Variants in NUMA1 observed in about 807,000 individuals in gnomAD.
The protein encoded by NUMA1 is nuclear mitotic apparatus protein 1.
NUMA1 carries 62 observed loss-of-function variants against 237.1 expected under a neutral mutation model. The ratio of observed to expected loss-of-function variants is 0.26; its 90% CI spans 0.21 to 0.32. NUMA1 has a LOEUF of 0.32. Ranked by LOEUF, NUMA1 falls within the 10% of genes least tolerant of loss-of-function variation. NUMA1 has a pLI of 1.00. For synonymous variants in NUMA1, 1,028 were observed against 1,066.1 expected, an observed-to-expected ratio of 0.96 and a Z score of 0.70; for missense variants, 2,533 against 2,666.5, an observed-to-expected ratio of 0.95 and a Z score of 1.10.
In NUMA1 at chr11:72,013,545, C is replaced by T. The variant is rs1211182459; in HGVS notation, c.3958G>A (p.Glu1320Lys). Residue 1320 changes from glutamate (E) to lysine (K), a missense_variant, in exon 15 of 27, where the codon GAG becomes AAG. Physicochemically the swap from Glu to Lys is moderately conservative, Grantham distance 56 (BLOSUM62 1). Transcript: ENST00000393695. The surrounding 1 kb of genome is among the most constrained non-coding windows in gnomAD (Gnocchi z 6.8). The stretch of plus-strand genomic sequence containing the variant: ...TCTTGGCCCAGCTCCTCCGCACGCT[C>T]AGCCTGTGAGGTCAGCTCCTGCCGC... Reference protein sequence around the residue: ...NLRQELTSQAERAEELGQELK... With the variant: ...NLRQELTSQAKRAEELGQELK... The T allele has an allele frequency of 6.2e-7, 1 of 1,613,590 alleles. No individual in the cohort carries two copies. Among genetic ancestry groups the T allele is most frequent in the South Asian group, 1.1e-5 (1 of 91,088 alleles).
chr11:72,012,216 A>G (rs1956204059), intron 16 of NUMA1, 185 bp downstream of exon 16: 2 of 588,652 alleles, frequency 3.4e-6, no homozygotes, highest in Non-Finnish European at 6.0e-6. Context: ...GGGTGGGATG[A>G]GGCCTGAGAG....
intron 7 of NUMA1, among the ~76,000 whole-genome samples, chr11:72,021,778 TA>T (rs1308282545): frequency 6.6e-6 from 1 of 151,960 alleles, no homozygotes; most frequent in South Asian, 2.1e-4. Context: ...TCATTTTTTT[TA>T]AAAAAAATAT....
In NUMA1 at chr11:72,018,530, G is replaced by A. The variant is rs1483860615; in HGVS notation, c.743-17C>T. ...TCTGTGCATCTGCCCAGAGTGGAGG[G>A]AGGAGGAGAGGAGAATCAGAACTAT... On this transcript the variant is annotated splice_polypyrimidine_tract_variant and intron_variant, in intron 10 of 26. Transcript: ENST00000393695. The A allele has an allele frequency of 6.3e-7, 1 of 1,591,672 alleles. No individual in the cohort carries two copies. The highest frequency in any genetic ancestry group is 1.7e-5 in the Admixed American group (1 of 59,938).
chr11:72,035,823 G>A, intron 3 of NUMA1, 79 bp downstream of exon 3: 1 of 1,286,490 alleles, frequency 7.8e-7, no homozygotes, highest in Non-Finnish European at 1.1e-6. Context: ...CATAGCCCTG[G>A]CTCCTACAAA....
intron 4 of NUMA1, among the ~76,000 whole-genome samples, chr11:72,027,708 A>G (rs1407511479): frequency 6.6e-6 from 1 of 152,216 alleles, no homozygotes; most frequent in Non-Finnish European, 1.5e-5. Flanking sequence ...GGTTTGATGA[A>G]GAGTCACTGA....
Position 72,013,376 on chromosome 11 carries a change from GCGGCCTGCT to G in NUMA1, c.4118_4126del (p.Glu1373_Ala1375del). 6.2e-7 allele frequency: 1 copy of G among 1,611,160 alleles called. No homozygotes were observed. The highest frequency in any genetic ancestry group is 8.5e-7 in the Non-Finnish European group (1 of 1,179,892). On this transcript the variant is annotated inframe_deletion, in exon 15 of 27. Transcript: ENST00000393695. This position sits in a 1 kb window ranked among gnomAD's most constrained non-coding sequence, Gnocchi z 6.8. ...CTCCTCACGGTGGCGTTTCTCGGCAGCGGCCTGCTCGGCCTGCAGCTGCTGGCAGAGGTG... is the reference window on the plus strand; with the variant it reads ...CTCCTCACGGTGGCGTTTCTCGGCAGCGGCCTGCAGCTGCTGGCAGAGGTG...
Position 72,003,533 on chromosome 11 carries a change from C to T in NUMA1, c.6342G>A (p.Lys2114=). ...ACTCACTGGTACTGGCCCTTTAGTG[C>T]TTTGCCTGAAAGAGACACAGTCACA... ...GATPRAKGKA[K]H The change falls in exon 27 of 27, where the codon AAG becomes AAA. Residue 2114 remains lysine, a synonymous_variant. Transcript: ENST00000393695. 1 of 1,614,156 alleles carries T rather than the reference C, an allele frequency of 6.2e-7. No individual in the cohort carries two copies. The highest frequency in any genetic ancestry group is 8.5e-7 in the Non-Finnish European group (1 of 1,180,012).
rs781571037 is a variant in NUMA1, at chr11:72,013,822, G to A, written c.3681C>T (p.Ile1227=). 2.5e-6 allele frequency: 4 copies of A among 1,611,800 alleles called. No individual in the cohort carries two copies. The South Asian group carries it at 3.3e-5, about 13-fold the overall frequency. The change falls in exon 15 of 27, where the codon ATC becomes ATT. Residue 1227 remains isoleucine, a synonymous_variant. Coordinates refer to ENST00000393695, the MANE Select transcript of NUMA1 (RefSeq NM_006185.4). The surrounding 1 kb of genome is among the most constrained non-coding windows in gnomAD (Gnocchi z 6.8). ...TGGACACCTCCTCCTCCAAGCTGCT[G>A]ATGAGGCTATTTTTCCTCTCAGCCT... is the stretch of plus-strand genomic sequence containing the variant. ...RQEAERKNSL[I]SSLEEEVSIL...
At chr11:72,041,655 T>C (rs1178745164) in intron 2 of NUMA1, 1 of 152,230 alleles carries the variant, frequency 6.6e-6, no homozygotes, top group Non-Finnish European at 1.5e-5. Context: ...GCAGGCCCTC[T>C]GATCGGGGGC....
At chr11:72,007,134 C>A in intron 21 of NUMA1, 55 bp downstream of exon 21, 1 of 1,590,562 alleles carries the variant, frequency 6.3e-7, no homozygotes, top group South Asian at 1.1e-5. Context: ...TGCAAAGATG[C>A]CCTTGAGAGG....
At position 72,015,602 on chromosome 11, in the gene NUMA1, G is replaced by A; in HGVS notation, c.1901C>T (p.Ala634Val). ...LQVANEARDS[A>V]QTSVTQAQRE... ...CTGGGCCTGTGTCACTGAGGTCTGG[G>A]CACTGTCCCGGGCTTCATTAGCCAC... The change falls in exon 15 of 27, where the codon GCC (alanine) becomes GTC (valine). Residue 634 changes from alanine (A) to valine (V), a missense_variant. Around this residue, in one of 3 missense-constraint regions of NUMA1, gnomAD observed 1,414 missense variants for 1,508.1 expected, o/e 0.94. Transcript: ENST00000393695. This position sits in a 1 kb window ranked among gnomAD's most constrained non-coding sequence, Gnocchi z 4.0. 1 of 1,613,592 alleles carries A rather than the reference G, an allele frequency of 6.2e-7. No individual in the cohort carries two copies. The highest frequency in any genetic ancestry group is 2.2e-5 in the East Asian group (1 of 44,872).
chr11:72,020,021 T>G (rs1366780947), intron 8 of NUMA1, among the ~76,000 whole-genome samples: 1 of 152,188 alleles, frequency 6.6e-6, no homozygotes, highest in South Asian at 2.1e-4. Context: ...CCATTTGGAA[T>G]TCATCCCCCC....
chr11:72,029,395 T>C, intron 3 of NUMA1, 105 bp from the exon 4 acceptor site: 1 of 570,328 alleles, frequency 1.8e-6, no homozygotes, highest in South Asian at 2.9e-5. Flanking sequence ...ACTATAGGAA[T>C]ACAAGAACTG....
At chr11:72,079,749 TAAAAAA>T (rs72522058) in intron 1 of NUMA1, among the ~76,000 whole-genome samples, 2 of 144,672 alleles carry the variant, frequency 1.4e-5, no homozygotes, top group Admixed American at 6.9e-5. Context: ...AAACAAAAAT[TAAAAAA>T]AAAAAAAAAA....
At chr11:72,012,516 A>G in intron 15 of NUMA1, 74 bp from the exon 16 acceptor site, 1 of 1,408,088 alleles carries the variant, frequency 7.1e-7, no homozygotes, top group South Asian at 1.2e-5. Flanking sequence ...TGCCAGGCTG[A>G]CCTCACTGAG....
At chr11:72,019,136 T>A in intron 9 of NUMA1, 156 bp from the exon 10 acceptor site, 1 of 747,740 alleles carries the variant, frequency 1.3e-6, no homozygotes, top group South Asian at 1.9e-5. Flanking sequence ...TCAAGCCTCA[T>A]GACATGATCT....
rs774763599 is a variant in NUMA1 at position 72,006,055 on chromosome 11, A to T, written c.5672T>A (p.Val1891Glu). 2 of 1,612,696 alleles carry T rather than the reference A, an allele frequency of 1.2e-6. No homozygotes were observed. The highest frequency in any genetic ancestry group is 2.2e-5 in the East Asian group (1 of 44,848). Residue 1891 changes from valine to glutamate, a missense_variant, in exon 22 of 27, where the codon GTG becomes GAG. Val to Glu is a moderately radical substitution (Grantham distance 121). Coordinates refer to ENST00000393695, the MANE Select transcript of NUMA1 (RefSeq NM_006185.4). ...CTCACCTGGAGGGGCCCCACTGGAC[A>T]CCCCGGCCTGGGAACGACGAGCAGA... ...RSSARRSQAG[V>E]SSGAPPGRNS... is the part of the protein sequence containing the mutation.
chr11:72,058,040 C>G (rs1591059301), intron 2 of NUMA1, among the ~76,000 whole-genome samples: 2 of 151,550 alleles, frequency 1.3e-5, no homozygotes, highest in Non-Finnish European at 2.9e-5. Context: ...CACTGCATTA[C>G]AGCCTGGGCA....
At chr11:72,027,023 C>T (rs1426625304) in intron 4 of NUMA1, among the ~76,000 whole-genome samples, 1 of 152,164 alleles carries the variant, frequency 6.6e-6, no homozygotes, top group Non-Finnish European at 1.5e-5. Flanking sequence ...TTTGGCCCTT[C>T]CTATGAAAAT....
Sources: allele counts gnomAD v4.1 joint callset (sites outside exome capture counted in the v4.1 genomes callset), GRCh38; gene constraint gnomAD v4.1.1; regional missense constraint gnomAD v4.1.1; non-coding constraint Gnocchi (gnomAD v3.1); transcripts MANE v1.5; gene names NCBI Gene and HGNC (gene_info 2026-07-23, HGNC 2026-07-21).